The following ARHGAP42 variants were observed in gnomAD, a reference collection of about 807,000 sequenced individuals.
ARHGAP42 encodes the protein Rho GTPase activating protein 42, also known as rho GTPase-activating protein 42.
In ARHGAP42, 63 loss-of-function variants were observed where a neutral mutation model predicts 125.0. The ratio of observed to expected loss-of-function variants is 0.50; its 90% CI spans 0.41 to 0.62. The LOEUF (loss-of-function observed/expected upper bound fraction) is 0.62. ARHGAP42 is among the 20% of genes least tolerant of loss of function. The pLI is 0.00. For missense variants in ARHGAP42, 766 were observed against 1,024.2 expected, an observed-to-expected ratio of 0.75 and a Z score of 3.44; for synonymous variants, 339 against 351.0, an observed-to-expected ratio of 0.97 and a Z score of 0.38.
At chr11:100,833,745 C>A (rs1457287373) in intron 3 of ARHGAP42, among the ~76,000 whole-genome samples, 1 of 151,970 alleles carries the variant, frequency 6.6e-6, no homozygotes, top group African/African-American at 2.4e-5. Flanking sequence ...TTGACCTAGC[C>A]CCTGCACCCA....
At chr11:100,968,595 G>T in intron 17 of ARHGAP42, among the ~76,000 whole-genome samples, 1 of 152,060 alleles carries the variant, frequency 6.6e-6, no homozygotes, top group East Asian at 1.9e-4. Flanking sequence ...GTAATTTAAT[G>T]CTTCTTAATG....
intron 3 of ARHGAP42, among the ~76,000 whole-genome samples, chr11:100,835,438 G>T (rs767516005): frequency 3.9e-5 from 6 of 152,040 alleles, no homozygotes; most frequent in African/African-American, 1.4e-4. Context: ...GAGTTTTGTC[G>T]TGTTGTTTGG....
intron 4 of ARHGAP42, among the ~76,000 whole-genome samples, chr11:100,874,738 G>A (rs1014592565): frequency 5.3e-5 from 8 of 152,094 alleles, no homozygotes; most frequent in African/African-American, 1.9e-4. Flanking sequence ...CCAGTCTACC[G>A]TATCTTTCCT....
intron 1 of ARHGAP42, among the ~76,000 whole-genome samples, chr11:100,688,272 G>C (rs1392771138): frequency 1.6e-4 from 25 of 152,160 alleles, no homozygotes; most frequent in Non-Finnish European, 2.9e-5. Flanking sequence ...TCATACGTCA[G>C]TGGCTCTTCA....
chr11:100,719,323 CTG>C (rs1328953387), intron 1 of ARHGAP42, among the ~76,000 whole-genome samples: 6 of 152,170 alleles, frequency 3.9e-5, no homozygotes, highest in African/African-American at 1.4e-4. Context: ...CAGATTAAGA[CTG>C]TAACAGGAGG....
intron 13 of ARHGAP42, among the ~76,000 whole-genome samples, 164 bp from the exon 14 acceptor site, chr11:100,960,751 A>G (rs1264161841): frequency 1.3e-5 from 2 of 152,136 alleles, no homozygotes; most frequent in African/African-American, 4.8e-5. Context: ...TGCTCTGAGA[A>G]ATAGAAGTCT....
At chr11:100,848,879 A>C (rs1050452985) in intron 3 of ARHGAP42, among the ~76,000 whole-genome samples, 3 of 152,214 alleles carry the variant, frequency 2.0e-5, no homozygotes, top group African/African-American at 7.2e-5. Flanking sequence ...TTCAGGTGGC[A>C]CATGGCATAG....
chr11:100,935,991 G>A (rs76950249), intron 7 of ARHGAP42, among the ~76,000 whole-genome samples: 11,031 of 152,154 alleles, frequency 0.072, 590 homozygotes, highest in East Asian at 0.29. Context: ...GTGTGGTGGT[G>A]TGTGCCTACA....
chr11:100,980,316 G>A lies in ARHGAP42; in HGVS notation c.2456+1267G>A, dbSNP rs147745819. ...TTGATTTTTAGGCTTTAGTGTAAGGGATTTAACCTTGCTACTTCTTCTGCC... is the reference window on the plus strand; with the variant it reads ...TTGATTTTTAGGCTTTAGTGTAAGGAATTTAACCTTGCTACTTCTTCTGCC... On this transcript the variant is annotated intron_variant, in intron 22 of 23. Transcript: ENST00000298815. 5.2e-3 allele frequency among the ~76,000 whole-genome samples: 789 copies of A among 152,074 alleles called. 4 individuals carry two copies. The highest frequency in any genetic ancestry group is 0.018 in the African/African-American group (752 of 41,502).
chr11:100,715,231 CT>C (rs1268673456), intron 1 of ARHGAP42, among the ~76,000 whole-genome samples: 2 of 152,048 alleles, frequency 1.3e-5, no homozygotes, highest in African/African-American at 4.8e-5. Context: ...AGTATTCTGC[CT>C]TTGAGGGAGA....
chr11:100,992,637 T>G lies in ARHGAP42; in HGVS notation c.*3836T>G, dbSNP rs761412236. 4 of 1,612,692 alleles carry G rather than the reference T, an allele frequency of 2.5e-6. No homozygotes were observed. The Admixed American group carries it at 6.7e-5, about 27-fold the overall frequency. ...TCCCTCATTGTCACCGTTATCCCCCTGCTTCAAAATGTGCCAGTTCCACTT... is the reference window on the plus strand; with the variant it reads ...TCCCTCATTGTCACCGTTATCCCCCGGCTTCAAAATGTGCCAGTTCCACTT... On this transcript the variant is annotated 3_prime_UTR_variant, in exon 24 of 24. Transcript: ENST00000298815.
At chr11:100,879,623 C>T (rs1865909123) in intron 4 of ARHGAP42, among the ~76,000 whole-genome samples, 1 of 152,132 alleles carries the variant, frequency 6.6e-6, no homozygotes, top group African/African-American at 2.4e-5. Context: ...ACACCCACAT[C>T]CATTATTTAC....
At chr11:100,958,844 T>A (rs1857879092) in intron 12 of ARHGAP42, among the ~76,000 whole-genome samples, 1 of 152,100 alleles carries the variant, frequency 6.6e-6, no homozygotes, top group Non-Finnish European at 1.5e-5. Flanking sequence ...TTTCTGTCAA[T>A]CAATTCAGTT....
intron 7 of ARHGAP42, among the ~76,000 whole-genome samples, chr11:100,934,263 A>C (rs1383937437): frequency 2.0e-5 from 3 of 152,194 alleles, no homozygotes; most frequent in Non-Finnish European, 4.4e-5. Context: ...GCTTTAAAAC[A>C]TAAGTGAGAG....
intron 4 of ARHGAP42, among the ~76,000 whole-genome samples, chr11:100,882,488 G>T (rs1006420796): frequency 6.6e-6 from 1 of 151,362 alleles, no homozygotes; most frequent in African/African-American, 2.4e-5. Context: ...TGTTGGATTC[G>T]GTTAGCCAGT....
intron 6 of ARHGAP42, among the ~76,000 whole-genome samples, chr11:100,924,415 C>T (rs970125221): frequency 2.0e-5 from 3 of 151,892 alleles, no homozygotes; most frequent in Non-Finnish European, 4.4e-5. Context: ...GCCTGTAATC[C>T]CAGCACTTTG....
intron 1 of ARHGAP42, among the ~76,000 whole-genome samples, chr11:100,756,439 T>C (rs1297071807): frequency 6.6e-6 from 1 of 152,094 alleles, no homozygotes; most frequent in Non-Finnish European, 1.5e-5. Flanking sequence ...CATCTTAGAA[T>C]ATATGAACTG....
intron 4 of ARHGAP42, among the ~76,000 whole-genome samples, chr11:100,868,220 T>TA (rs1387826592): frequency 2.6e-5 from 4 of 152,144 alleles, no homozygotes; most frequent in African/African-American, 4.8e-5. Context: ...CTTCAATTTG[T>TA]AAAAAAATGC....
At position 100,992,142 on chromosome 11, in the gene ARHGAP42, C is replaced by A; in HGVS notation, c.*3341C>A. ...GAGTCCCTCAGAGCTTTGCCTCAAG[C>A]AATTTCAAATTGTAGTGATACCTTA... On this transcript the variant is annotated 3_prime_UTR_variant, in exon 24 of 24. Coordinates refer to ENST00000298815, the MANE Select transcript of ARHGAP42 (RefSeq NM_152432.4). 3 of 721,366 alleles carry A rather than the reference C, an allele frequency of 4.2e-6. No homozygotes were observed. The East Asian group carries it at 8.2e-5, about 20-fold the overall frequency. The allele number at this position is 721,366 out of a possible 1,614,324, so 44.7% of individuals were successfully genotyped here. A position where few individuals can be genotyped will look rare whatever the true frequency, so the allele number is the denominator to read the frequency against.
Sources: gnomAD v4.1 joint callset for allele counts (sites outside exome capture counted in the v4.1 genomes callset) on GRCh38, gnomAD v4.1.1 for gene constraint, MANE v1.5 for transcripts, NCBI Gene and HGNC (gene_info 2026-07-23, HGNC 2026-07-21) for gene names.